Variants in GRIN2B observed in about 807,000 individuals in gnomAD.
The protein encoded by GRIN2B is glutamate receptor ionotropic, NMDA 2B.
GRIN2B carries 5 observed loss-of-function variants against 114.5 expected under a neutral mutation model. The observed-to-expected ratio is 0.04, with a 90% CI of 0.02 to 0.09. The LOEUF is 0.09. Among genes scored for constraint, GRIN2B ranks in the 10% least tolerant of loss-of-function variants. The probability of loss-of-function intolerance (pLI) is 1.00; values close to 1 mark genes in which losing one functional copy is unlikely to be tolerated. For missense variants in GRIN2B, 1,108 were observed against 1,943.5 expected (o/e 0.57, Z 8.08); for synonymous variants, 787 against 745.1 (o/e 1.06, Z -0.92).
At position 13,548,127 on chromosome 12, in the gene GRIN2B, A is replaced by G. The variant is rs1285153511; in HGVS notation, c.*14656T>C. On this transcript the variant is annotated 3_prime_UTR_variant, in exon 14 of 14. Coordinates refer to ENST00000609686, the MANE Select transcript of GRIN2B (RefSeq NM_000834.5). ...ATTCCACCCCTAGGCTCAGTGGGAA[A>G]GAGTTTAAGTTCATGTGGATCTTGC... 2.0e-5 allele frequency: 3 copies of G among 151,640 alleles called. No homozygotes were observed. The highest frequency in any genetic ancestry group is 4.4e-5 in the Non-Finnish European group (3 of 67,928). The allele number at this position is 151,640 out of a possible 1,614,324, so 9.4% of individuals were successfully genotyped here.
At chr12:13,759,578 C>T (rs1488813386) in intron 3 of GRIN2B, among the ~76,000 whole-genome samples, 1 of 152,158 alleles carries the variant, frequency 6.6e-6, no homozygotes, top group African/African-American at 2.4e-5. Context: ...TTCACTGAAA[C>T]CCCTCTTGTA....
At chr12:13,920,415 G>A (rs1591621999) in intron 2 of GRIN2B, among the ~76,000 whole-genome samples, 1 of 152,140 alleles carries the variant, frequency 6.6e-6, no homozygotes, top group South Asian at 2.1e-4. Flanking sequence ...ATGGAAGTAG[G>A]GAAAAGATGG....
At chr12:13,873,309 G>A (rs1459578726) in intron 2 of GRIN2B, among the ~76,000 whole-genome samples, 3 of 152,210 alleles carry the variant, frequency 2.0e-5, no homozygotes, top group Non-Finnish European at 4.4e-5. Context: ...GGTAGGAAAT[G>A]TGAGTATCAC....
chr12:13,773,771 T>C (rs1217031909), intron 3 of GRIN2B, among the ~76,000 whole-genome samples: 1 of 152,102 alleles, frequency 6.6e-6, no homozygotes, highest in African/African-American at 2.4e-5. Flanking sequence ...GAACATTCCA[T>C]GAGACAGTGG....
chr12:13,768,859 A>G (rs563551975), intron 3 of GRIN2B, among the ~76,000 whole-genome samples: 166 of 152,074 alleles, frequency 1.1e-3, no homozygotes, highest in African/African-American at 3.8e-3. Context: ...ACGGTGAAAC[A>G]CCGTCTCTAC....
intron 2 of GRIN2B, among the ~76,000 whole-genome samples, chr12:13,882,346 G>T (rs1866084322): frequency 1.3e-5 from 2 of 152,126 alleles, no homozygotes; most frequent in African/African-American, 4.8e-5. Context: ...TAAACGGAAG[G>T]CACCAAAGCA....
intron 2 of GRIN2B, among the ~76,000 whole-genome samples, chr12:13,874,795 G>A (rs964132865): frequency 6.6e-6 from 1 of 152,150 alleles, no homozygotes; most frequent in African/African-American, 2.4e-5. Flanking sequence ...CAGGAGCAGG[G>A]CAGCAGGAAA....
intron 5 of GRIN2B, among the ~76,000 whole-genome samples, chr12:13,664,257 G>T (rs2136529670): frequency 6.6e-6 from 1 of 152,210 alleles, no homozygotes; most frequent in South Asian, 2.1e-4. Flanking sequence ...AATGCAGAGA[G>T]GTGAGGAGGG....
chr12:13,833,201 A>T (rs1865185186), intron 3 of GRIN2B, among the ~76,000 whole-genome samples: 1 of 152,182 alleles, frequency 6.6e-6, no homozygotes, highest in South Asian at 2.1e-4. Context: ...ACTTGTATTA[A>T]CTCATGGGTA....
intron 2 of GRIN2B, among the ~76,000 whole-genome samples, chr12:13,966,915 A>T (rs891384332): frequency 3.3e-5 from 5 of 152,226 alleles, no homozygotes; most frequent in African/African-American, 1.2e-4. Flanking sequence ...GTCAGAACAT[A>T]AACCCTGGCA....
At chr12:13,875,827 G>C (rs938751605) in intron 2 of GRIN2B, among the ~76,000 whole-genome samples, 3 of 152,196 alleles carry the variant, frequency 2.0e-5, no homozygotes, top group Non-Finnish European at 4.4e-5. Flanking sequence ...GAATCACTGT[G>C]AAGATCGATT....
intron 8 of GRIN2B, 114 bp from the exon 9 acceptor site, chr12:13,611,964 G>T (rs1379049872): frequency 2.1e-5 from 23 of 1,077,228 alleles, no homozygotes; most frequent in Non-Finnish European, 3.1e-5. Context: ...ACAATGTGTT[G>T]TCTGCCTTCA....
intron 2 of GRIN2B, among the ~76,000 whole-genome samples, chr12:13,876,255 C>T (rs1047069025): frequency 6.6e-6 from 1 of 152,094 alleles, no homozygotes; most frequent in South Asian, 2.1e-4. Context: ...TCATTTTCTT[C>T]TTTATAAAAT....
intron 4 of GRIN2B, among the ~76,000 whole-genome samples, chr12:13,750,127 A>T (rs920155642): frequency 6.6e-6 from 1 of 152,152 alleles, no homozygotes; most frequent in African/African-American, 2.4e-5. Context: ...AATCAAGTGA[A>T]GCTGGACTCC....
At chr12:13,928,174 G>A (rs930145733) in intron 2 of GRIN2B, among the ~76,000 whole-genome samples, 1 of 151,440 alleles carries the variant, frequency 6.6e-6, no homozygotes, top group Non-Finnish European at 1.5e-5. Flanking sequence ...TGCCAGGCGT[G>A]GTGGCACGCA....
intron 9 of GRIN2B, among the ~76,000 whole-genome samples, chr12:13,610,866 G>C (rs1181938723): frequency 6.6e-6 from 1 of 152,154 alleles, no homozygotes; most frequent in Non-Finnish European, 1.5e-5. Context: ...GTGTCTTTTA[G>C]ATGCCCCATA....
At chr12:13,836,953 A>G (rs1865280182) in intron 3 of GRIN2B, among the ~76,000 whole-genome samples, 1 of 152,190 alleles carries the variant, frequency 6.6e-6, no homozygotes, top group Non-Finnish European at 1.5e-5. Context: ...AACAACAATA[A>G]TAATAGAAGC....
intron 5 of GRIN2B, among the ~76,000 whole-genome samples, chr12:13,637,176 A>C (rs191513657): frequency 4.9e-4 from 75 of 152,290 alleles, no homozygotes; most frequent in South Asian, 4.4e-3. Context: ...ATAATCTTGT[A>C]CTCATTGGCC....
intron 5 of GRIN2B, among the ~76,000 whole-genome samples, chr12:13,621,930 C>CT (rs965053437): frequency 6.6e-5 from 10 of 152,076 alleles, no homozygotes; most frequent in Non-Finnish European, 1.5e-4. Context: ...ACCACAGAGA[C>CT]TGTGTTCCTC....
Sources: allele counts gnomAD v4.1 joint callset (sites outside exome capture counted in the v4.1 genomes callset), GRCh38; gene constraint gnomAD v4.1.1; transcripts MANE v1.5; gene names NCBI Gene and HGNC (gene_info 2026-07-23, HGNC 2026-07-21).